Variants in TSGA10 observed in about 807,000 individuals in gnomAD.
TSGA10 encodes the protein testis specific 10.
In TSGA10, 43 loss-of-function variants were observed where a neutral mutation model predicts 96.6. That is an observed-to-expected ratio of 0.44 (90% confidence interval 0.35 to 0.57). TSGA10 has a LOEUF of 0.57. Among genes scored for constraint, TSGA10 ranks in the 20% least tolerant of loss-of-function variants. TSGA10 has a pLI of 0.01. For synonymous variants in TSGA10, 229 were observed against 269.9 expected (o/e 0.85, Z 1.48); for missense variants, 703 against 834.4 (o/e 0.84, Z 1.94).
intron 10 of TSGA10, among the ~76,000 whole-genome samples, chr2:99,089,249 G>A (rs982922685): frequency 1.3e-5 from 2 of 152,174 alleles, no homozygotes; most frequent in African/African-American, 4.8e-5. Context: ...GAGCCCTGTG[G>A]GCTCTCTCAG....
intron 10 of TSGA10, among the ~76,000 whole-genome samples, chr2:99,103,266 C>T (rs370742270): frequency 2.0e-5 from 3 of 151,964 alleles, no homozygotes; most frequent in African/African-American, 7.3e-5. Flanking sequence ...CAGATCAACC[C>T]GTCACCTAGA....
rs35876721 is a variant in TSGA10, at chr2:99,077,127, CTTTTTTTTTT to C, written c.882+1522_882+1531del. On this transcript the variant is annotated intron_variant, in intron 12 of 20. Transcript: ENST00000393483. ...GGCTTTGAGAAGGCGGACCATTCAC[CTTTTTTTTTT>C]TTTTTTTTTTTTTTTTTTTTTGAGA... Among the ~76,000 whole-genome samples the C allele has an allele frequency of 5.3e-3, 373 of 70,444 alleles. 4 individuals are homozygous for C. The highest frequency in any genetic ancestry group is 0.019 in the African/African-American group (340 of 17,692). The allele number at this position is 70,444 out of a possible 152,430, so 46.2% of individuals were successfully genotyped here. A position where few individuals can be genotyped will look rare whatever the true frequency, so the allele number is the denominator to read the frequency against.
At chr2:99,008,833 A>G (rs574864111) in intron 20 of TSGA10, among the ~76,000 whole-genome samples, 1 of 152,206 alleles carries the variant, frequency 6.6e-6, no homozygotes, top group Non-Finnish European at 1.5e-5. Context: ...AGTAGTGTGC[A>G]CCTGAAAAAA....
intron 16 of TSGA10, among the ~76,000 whole-genome samples, chr2:99,044,633 A>T (rs1480978337): frequency 6.6e-6 from 1 of 152,152 alleles, no homozygotes; most frequent in Non-Finnish European, 1.5e-5. Flanking sequence ...ATGAGACAGA[A>T]AATTAACAAA....
At chr2:99,070,696 T>C (rs2085857882) in intron 14 of TSGA10, among the ~76,000 whole-genome samples, 1 of 152,058 alleles carries the variant, frequency 6.6e-6, no homozygotes, top group Admixed American at 6.5e-5. Flanking sequence ...CTGTAAAGAG[T>C]ACACAAAGGC....
intron 1 of TSGA10, among the ~76,000 whole-genome samples, chr2:99,132,789 G>C (rs527403953): frequency 6.6e-6 from 1 of 152,292 alleles, no homozygotes; most frequent in East Asian, 1.9e-4. Context: ...CTGTGTCCCA[G>C]AGATTCTGGT....
At chr2:99,052,742 T>TAA (rs1032896133) in intron 16 of TSGA10, among the ~76,000 whole-genome samples, 123 of 139,762 alleles carry the variant, frequency 8.8e-4, no homozygotes, top group Middle Eastern at 4.2e-3. Flanking sequence ...CATCTCAATT[T>TAA]AAAAAAAAAA....
intron 10 of TSGA10, among the ~76,000 whole-genome samples, chr2:99,098,894 T>G (rs1411519326): frequency 6.6e-6 from 1 of 152,236 alleles, no homozygotes; most frequent in Non-Finnish European, 1.5e-5. Flanking sequence ...ATGACTTTAT[T>G]GGTAAGTTCT....
chr2:99,029,855 C>A (rs940203946), intron 17 of TSGA10, among the ~76,000 whole-genome samples: 1 of 152,210 alleles, frequency 6.6e-6, no homozygotes, highest in African/African-American at 2.4e-5. Context: ...TTTCACCATT[C>A]TTAACTGACA....
intron 7 of TSGA10, among the ~76,000 whole-genome samples, chr2:99,106,511 T>C (rs1354608145): frequency 3.9e-5 from 6 of 151,904 alleles, no homozygotes; most frequent in African/African-American, 1.5e-4. Flanking sequence ...TTGATCCTGC[T>C]GACCAATTTA....
chr2:99,125,304 T>C (rs2092770379), intron 2 of TSGA10: 1 of 152,252 alleles, frequency 6.6e-6, no homozygotes. Flanking sequence ...TTCCAAGTTT[T>C]TGGCAATTAT....
In TSGA10 at chr2:99,035,320, C is replaced by G. The variant is rs769149980; in HGVS notation, c.1524G>C (p.Leu508Phe). The change falls in exon 17 of 21, where the codon TTG becomes TTC. Residue 508 changes from leucine (L) to phenylalanine (F), a missense_variant. Transcript: ENST00000393483. ...QFEKVSALAD[L>F]SSTRELCIKL... ...TAATACAGAGTTCCCTAGTAGAAGA[C>G]AAATCTGCAAGAGCGGACACTTTTT... 1 of 1,613,214 alleles carries G rather than the reference C, an allele frequency of 6.2e-7. No individual in the cohort carries two copies.
chr2:99,047,242 A>G (rs2082878525), intron 16 of TSGA10, among the ~76,000 whole-genome samples: 1 of 152,228 alleles, frequency 6.6e-6, no homozygotes. Context: ...CATCATCCTG[A>G]TACCAAAGAC....
chr2:99,117,832 G>C (rs771944031), intron 3 of TSGA10, 73 bp from the exon 4 acceptor site: 2 of 721,896 alleles, frequency 2.8e-6, no homozygotes, highest in Non-Finnish European at 3.4e-6. Context: ...TGTGTGACTG[G>C]AATCAGGAAG....
chr2:99,073,995 C>CTTTTTTTTTTT (rs2086298056), intron 12 of TSGA10, among the ~76,000 whole-genome samples: 17 of 36,128 alleles, frequency 4.7e-4, no homozygotes, highest in African/African-American at 1.7e-3. Context: ...GTTCCTGTTT[C>CTTTTTTTTTTT]TTTTCTTTTT....
chr2:99,067,036 C>G (rs1042643979), intron 15 of TSGA10, among the ~76,000 whole-genome samples: 2 of 152,212 alleles, frequency 1.3e-5, no homozygotes, highest in African/African-American at 2.4e-5. Context: ...TTAGTTCTAA[C>G]AAAAGCTTCT....
chr2:99,025,612 T>C (rs939171758), intron 17 of TSGA10, among the ~76,000 whole-genome samples: 1 of 152,194 alleles, frequency 6.6e-6, no homozygotes, highest in Non-Finnish European at 1.5e-5. Flanking sequence ...TCTTGATTAT[T>C]ATTTTCATTC....
intron 10 of TSGA10, among the ~76,000 whole-genome samples, chr2:99,100,515 T>C (rs989244875): frequency 2.6e-5 from 4 of 152,070 alleles, no homozygotes; most frequent in Admixed American, 2.6e-4. Flanking sequence ...CCTCACAACA[T>C]ACACAAAAAT....
chr2:99,065,922 A>G (rs1234158102), intron 15 of TSGA10, among the ~76,000 whole-genome samples: 1 of 152,154 alleles, frequency 6.6e-6, no homozygotes, highest in Non-Finnish European at 1.5e-5. Flanking sequence ...TCCACAAACA[A>G]TATAATAGAC....
Sources: allele counts gnomAD v4.1 joint callset (sites outside exome capture counted in the v4.1 genomes callset), GRCh38; gene constraint gnomAD v4.1.1; transcripts MANE v1.5; gene names NCBI Gene and HGNC (gene_info 2026-07-23, HGNC 2026-07-21).